Variants in PSG6 observed in about 807,000 individuals in gnomAD.
PSG6 encodes pregnancy-specific beta-1-glycoprotein 6.
A neutral mutation model predicts 43.3 loss-of-function variants in PSG6; 51 were observed. The ratio of observed to expected loss-of-function variants is 1.18; its 90% CI spans 0.94 to 1.49. The LOEUF (loss-of-function observed/expected upper bound fraction) is 1.49. Among genes scored for constraint, PSG6 ranks in the 40% most tolerant of loss-of-function variants. PSG6 has a pLI of 0.00. For missense variants in PSG6, 770 were observed against 522.2 expected (o/e 1.47, Z -4.62); for synonymous variants, 292 against 197.6 (o/e 1.48, Z -4.01).
At chr19:42,906,780 G>C (rs1359905294) in intron 5 of PSG6, 142 bp downstream of exon 5, 1 of 1,591,710 alleles carries the variant, frequency 6.3e-7, no homozygotes, top group East Asian at 2.2e-5. Context: ...AGATAAGTTG[G>C]GAGGGTTCAG....
intron 5 of PSG6, chr19:42,903,470 T>C (rs376075270): frequency 3.1e-5 from 22 of 719,814 alleles, no homozygotes; most frequent in African/African-American, 2.4e-4. Context: ...AAATGGAGAA[T>C]GGAAACAGAA....
rs779436726 is a variant in PSG6 at position 42,914,822 on chromosome 19, A to G, written c.427+1303T>C. On this transcript the variant is annotated intron_variant, in intron 2 of 5. Coordinates refer to ENST00000187910, the MANE Select transcript of PSG6 (RefSeq NM_001031850.4). ...TGAGGCAGGGTGTGAGTGGGGAAAG[A>G]AAACAAGGTCCTCTCCTTGATCCTC... Among the ~76,000 whole-genome samples the G allele has an allele frequency of 6.6e-5, 10 of 151,558 alleles. 1 individual carries two copies. The highest frequency in any genetic ancestry group is 1.3e-4 in the Admixed American group (2 of 15,176).
At chr19:42,903,118 T>G (rs1972060870) in intron 5 of PSG6, among the ~76,000 whole-genome samples, 1 of 151,618 alleles carries the variant, frequency 6.6e-6, no homozygotes, top group East Asian at 1.9e-4. Flanking sequence ...ATCTGAGATT[T>G]GATTCTAGGA....
rs757470898 is a variant in PSG6 at position 42,907,080 on chromosome 19, G to A, written c.1082C>T (p.Ala361Val). ...LSCFADSNPP[A>V]EYSWTINGKF... is the part of the protein sequence containing the mutation. Reference sequence around the variant, plus strand: ...CCCATTAATTGTCCAAGAATACTCTGCCGGTGGGTTAGAGTCCGCAAAGCA... The same window carrying A: ...CCCATTAATTGTCCAAGAATACTCTACCGGTGGGTTAGAGTCCGCAAAGCA... The change falls in exon 5 of 6, where the codon GCA (alanine) becomes GTA (valine). Residue 361 changes from alanine to valine, a missense_variant. Physicochemically the swap from Ala to Val is moderately conservative, Grantham distance 64. Transcript: ENST00000187910. 7 of 1,612,570 alleles carry A rather than the reference G, an allele frequency of 4.3e-6. No individual in the cohort carries two copies. The highest frequency in any genetic ancestry group is 5.9e-6 in the Non-Finnish European group (7 of 1,179,276).
chr19:42,917,414 CG>C (rs1332695117), intron 1 of PSG6, among the ~76,000 whole-genome samples: 1 of 140,142 alleles, frequency 7.1e-6, no homozygotes, highest in Non-Finnish European at 1.5e-5. Flanking sequence ...CCCAGGCTGG[CG>C]TGCAGTGGTG....
Position 42,910,772 on chromosome 19 carries a change from T to A in PSG6, c.514A>T (p.Thr172Ser). The A allele has an allele frequency of 6.2e-7, 1 of 1,611,986 alleles. No homozygotes were observed. Among genetic ancestry groups the A allele is most frequent in the Admixed American group, 1.7e-5 (1 of 59,822 alleles). ...EAVRLICDPETPDASYLWLLN... is the reference protein window; with the variant it reads ...EAVRLICDPESPDASYLWLLN... ...AACCACAGGTAGCTTGCATCCGGAG[T>A]CTCAGGATCACAGATTAAGCGCACA... is the stretch of plus-strand genomic sequence containing the variant. The change falls in exon 3 of 6, where the codon ACT (threonine) becomes TCT (serine). Residue 172 changes from threonine to serine, a missense_variant. Transcript: ENST00000187910.
intron 2 of PSG6, among the ~76,000 whole-genome samples, chr19:42,912,964 T>A (rs925999711): frequency 6.6e-6 from 1 of 151,706 alleles, no homozygotes; most frequent in Non-Finnish European, 1.5e-5. Flanking sequence ...CTACAAAATT[T>A]AAAAATTGCT....
rs1972044302 is a variant in PSG6 at position 42,902,140 on chromosome 19, T to C, written c.*272A>G. 1 of 391,010 alleles carries C rather than the reference T, an allele frequency of 2.6e-6. No individual in the cohort carries two copies. The highest frequency in any genetic ancestry group is 3.5e-5 in the South Asian group (1 of 28,384). 24.2% of individuals were successfully genotyped at this position (391,010 alleles called of 1,614,324 possible). On this transcript the variant is annotated 3_prime_UTR_variant, in exon 6 of 6. Transcript: ENST00000187910. Reference sequence around the variant, plus strand: ...AAACCTATGAATACTCATGAATAGTTTCCCAATTCTGGGGCACTCAGATAG... The same window carrying C: ...AAACCTATGAATACTCATGAATAGTCTCCCAATTCTGGGGCACTCAGATAG...
At chr19:42,907,553 A>G in intron 4 of PSG6, 23 bp downstream of exon 4, 2 of 1,610,858 alleles carry the variant, frequency 1.2e-6, no homozygotes. Context: ...GTCCTGGCCC[A>G]CAGAGGAACA....
chr19:42,906,791 G>A (rs1972119718), intron 5 of PSG6, 131 bp downstream of exon 5: 3 of 1,598,548 alleles, frequency 1.9e-6, no homozygotes, highest in African/African-American at 2.7e-5. Context: ...GAGGGTTCAG[G>A]AGGAGAATTT....
chr19:42,903,411 C>T (rs1366959866), intron 5 of PSG6, among the ~76,000 whole-genome samples: 2 of 151,308 alleles, frequency 1.3e-5, no homozygotes, highest in African/African-American at 4.9e-5. Flanking sequence ...AAACTAAACC[C>T]AAGCACAGTG....
intron 3 of PSG6, 59 bp from the exon 4 acceptor site, chr19:42,907,913 T>C (rs1411136333): frequency 1.3e-6 from 2 of 1,588,936 alleles, no homozygotes; most frequent in South Asian, 1.2e-5. Flanking sequence ...ACAGGCATCC[T>C]TCATTCAGAG....
In PSG6 at chr19:42,902,432, T is replaced by C. The variant is rs1972049660; in HGVS notation, c.1255A>G (p.Asn419Asp). The C allele has an allele frequency of 1.9e-6, 3 of 1,611,282 alleles. No homozygotes were observed. The highest frequency in any genetic ancestry group is 1.1e-5 in the South Asian group (1 of 90,652). The part of the protein sequence containing the change: ...IVKVSGPCHG[N>D]QTESH ...AGCCATTAATGAGACTCTGTCTGGT[T>C]TCCATGGCAGGGACCTGATTGACAG... Residue 419 changes from asparagine (N) to aspartate (D), a missense_variant, in exon 6 of 6, where the codon AAC (asparagine) becomes GAC (aspartate). Transcript: ENST00000187910.
At chr19:42,902,602 T>C (rs7251938) in intron 5 of PSG6, among the ~76,000 whole-genome samples, 156 bp from the exon 6 acceptor site, 55,810 of 151,192 alleles carry the variant, frequency 0.37, 12,202 homozygotes, top group African/African-American at 0.56. Flanking sequence ...GGAGGATTCC[T>C]CATCAGCCTT....
At position 42,906,857 on chromosome 19, in the gene PSG6, C is replaced by A. The variant is rs943567314; in HGVS notation, c.1240+65G>T. The A allele has an allele frequency of 3.1e-6, 5 of 1,610,688 alleles. No homozygotes were observed. The Admixed American group carries it at 8.4e-5, about 27-fold the overall frequency. ...TGGGAATACAAATGTTTTCCTGACTCTTCTCTGAAAGCCAGATAGACTCCA... is the reference window on the plus strand; with the variant it reads ...TGGGAATACAAATGTTTTCCTGACTATTCTCTGAAAGCCAGATAGACTCCA... On this transcript the variant is annotated intron_variant, in intron 5 of 5. Coordinates refer to ENST00000187910, the MANE Select transcript of PSG6 (RefSeq NM_001031850.4).
intron 5 of PSG6, chr19:42,906,716 A>G (rs1972118472): frequency 3.3e-6 from 5 of 1,501,288 alleles, no homozygotes; most frequent in African/African-American, 2.8e-5. Flanking sequence ...TTCTCAGGCC[A>G]GACACAAGGT....
At chr19:42,915,777 T>G (rs62110892) in intron 2 of PSG6, 61,838 of 424,124 alleles carry the variant, frequency 0.15, 6,610 homozygotes, top group East Asian at 0.39. Flanking sequence ...GGTATCTCAG[T>G]GGGCCCCTCA....
chr19:42,902,525 C>G lies in PSG6; in HGVS notation c.1241-79G>C, dbSNP rs370363268. The G allele has an allele frequency of 2.9e-5, 46 of 1,577,082 alleles. 3 individuals are homozygous for G. The African/African-American group carries it at 3.8e-4, about 13-fold the overall frequency. ...AGAGAAAGCTTCTTTCCCACAGGCT[C>G]CCAGCAAGGGTGTGAAAGCAAGTCT... On this transcript the variant is annotated intron_variant, in intron 5 of 5. Coordinates refer to ENST00000187910, the MANE Select transcript of PSG6 (RefSeq NM_001031850.4).
rs764787386 is a variant in PSG6 at position 42,910,840 on chromosome 19, G to T, written c.446C>A (p.Ser149Tyr). ...VTLYSETPKP[S>Y]ISSSNLNPRE... Reference sequence around the variant, plus strand: ...GGGGTTTAAGTTGCTGCTGGAGATGGAGGGCTTGGGAGTCTCCGCTGTGCA... The same window carrying T: ...GGGGTTTAAGTTGCTGCTGGAGATGTAGGGCTTGGGAGTCTCCGCTGTGCA... Residue 149 changes from serine to tyrosine, a missense_variant, in exon 3 of 6, where the codon TCC (serine) becomes TAC (tyrosine). Transcript: ENST00000187910. 12 of 1,610,498 alleles carry T rather than the reference G, an allele frequency of 7.5e-6. 1 individual carries two copies. Among genetic ancestry groups the T allele is most frequent in the East Asian group, 2.2e-5 (1 of 44,776 alleles).
Sources: allele counts gnomAD v4.1 joint callset (sites outside exome capture counted in the v4.1 genomes callset), GRCh38; gene constraint gnomAD v4.1.1; transcripts MANE v1.5; gene names NCBI Gene and HGNC (gene_info 2026-07-23, HGNC 2026-07-21).